Variants in ERAP1 observed in about 807,000 individuals in gnomAD.
The protein encoded by ERAP1 is endoplasmic reticulum aminopeptidase 1.
A neutral mutation model predicts 103.7 loss-of-function variants in ERAP1; 86 were observed. The ratio of observed to expected loss-of-function variants is 0.83; its 90% CI spans 0.70 to 0.99. The LOEUF is 0.99. ERAP1 is among the 50% of genes least tolerant of loss of function. The pLI is 0.00. For synonymous variants in ERAP1, 398 were observed against 402.4 expected, an observed-to-expected ratio of 0.99 and a Z score of 0.13; for missense variants, 1,009 against 1,128.4, an observed-to-expected ratio of 0.89 and a Z score of 1.52.
chr5:96,928,979 C>A, the ERAP1 span, among the ~76,000 whole-genome samples: 1 of 152,102 alleles, frequency 6.6e-6, no homozygotes, highest in Non-Finnish European at 1.5e-5. Context: ...ACTGGTAAGG[C>A]GAAAACACCT....
chr5:96,762,700 A>G (rs1768424540), exon 20 of ERAP1: 2 of 294,500 alleles, frequency 6.8e-6, no homozygotes, highest in Non-Finnish European at 1.2e-5. Context: ...AGCTTTCCTG[A>G]TAATTGATTT....
At chr5:96,860,922 A>G in the ERAP1 span, among the ~76,000 whole-genome samples, 2 of 152,062 alleles carry the variant, frequency 1.3e-5, no homozygotes, top group Non-Finnish European at 2.9e-5. Context: ...ACAAGTGAGC[A>G]ACACAGGTAA....
downstream of ERAP1, chr5:96,771,596 C>T (rs186869487): frequency 3.1e-5 from 47 of 1,525,116 alleles, no homozygotes; most frequent in Middle Eastern, 1.2e-3. Context: ...TCTCCTCATA[C>T]TTAATACAGA....
At position 96,775,572 on chromosome 5, in the gene ERAP1, A is replaced by AT. The variant is rs1774082398; in HGVS notation, c.*823dup. 4 of 950,826 alleles carry AT rather than the reference A, an allele frequency of 4.2e-6. No individual in the cohort carries two copies. The highest frequency in any genetic ancestry group is 5.0e-6 in the Non-Finnish European group (4 of 798,504). The allele number at this position is 950,826 out of a possible 1,614,324, so 58.9% of individuals were successfully genotyped here. A position where few individuals can be genotyped will look rare whatever the true frequency, so the allele number is the denominator to read the frequency against. ...TATCTGAGGAGGGTTCTATAAAAAG[A>AT]TTTTTTGCAAAAGTGCGAGCACATT... On this transcript the variant is annotated 3_prime_UTR_variant, in exon 19 of 19. Coordinates refer to ENST00000443439, the MANE Select transcript of ERAP1 (RefSeq NM_001040458.3).
Position 96,793,426 on chromosome 5 carries a change from T to C in ERAP1, c.1162A>G (p.Ser388Gly). The stretch of plus-strand genomic sequence containing the variant: ...ACTTTCAGTTCAGGATGGGTCACAC[T>C]GACAGACACAAACTCCATAAATTTG... ...FAKFMEFVSV[S>G]VTHPELKVGD... is the part of the protein sequence containing the mutation. The change falls in exon 7 of 19, where the codon AGT becomes GGT. Residue 388 changes from serine (S) to glycine (G), a missense_variant. Transcript: ENST00000443439. 6.2e-7 allele frequency: 1 copy of C among 1,613,742 alleles called. No homozygotes were observed. The highest frequency in any genetic ancestry group is 1.7e-5 in the Admixed American group (1 of 60,008).
the ERAP1 span, among the ~76,000 whole-genome samples, chr5:96,896,140 A>G: frequency 3.3e-5 from 5 of 152,306 alleles, no homozygotes; most frequent in African/African-American, 1.2e-4. Context: ...CATGATAAAC[A>G]TTCAGGCAAT....
the ERAP1 span, among the ~76,000 whole-genome samples, chr5:96,899,247 T>C: frequency 8.0e-5 from 12 of 149,828 alleles, no homozygotes; most frequent in African/African-American, 2.9e-4. Context: ...AGTCCAATAG[T>C]TATTCAATTA....
At position 96,803,405 on chromosome 5, in the gene ERAP1, C is replaced by G. The variant is rs1177805624; in HGVS notation, c.522G>C (p.Leu174=). Reference sequence around the variant, plus strand: ...AAGAAAAAGAGAAAAAAAAATACCTCAGTTCCCCTTCCTTGGTTCTGTAGG... The same window carrying G: ...AAGAAAAAGAGAAAAAAAAATACCTGAGTTCCCCTTCCTTGGTTCTGTAGG... The part of the protein sequence containing the change: ...KSTYRTKEGE[L]RILASTQFEP... Residue 174 remains leucine (L), a splice_region_variant and synonymous_variant, in exon 2 of 19, where the codon CTG becomes CTC. Transcript: ENST00000443439. 6 of 1,612,942 alleles carry G rather than the reference C, an allele frequency of 3.7e-6. No homozygotes were observed. Among genetic ancestry groups the G allele is most frequent in the Non-Finnish European group, 5.1e-6 (6 of 1,179,732 alleles).
Position 96,803,723 on chromosome 5 carries a change from A to G in ERAP1, c.204T>C (p.His68=), listed in dbSNP as rs73148308. The part of the protein sequence containing the change: ...VIPVHYDLLI[H]ANLTTLTFWG... ...AGAAGGTCAGCGTGGTAAGGTTTGC[A>G]TGGATCAAGAGATCATAATGAACTG... Residue 68 remains histidine (H), a synonymous_variant, in exon 2 of 19, where the codon CAT becomes CAC. Coordinates refer to ENST00000443439, the MANE Select transcript of ERAP1 (RefSeq NM_001040458.3). 5,928 of 1,614,208 alleles carry G rather than the reference A, an allele frequency of 3.7e-3. 167 individuals carry two copies. The African/African-American group carries it at 0.065, about 18-fold the overall frequency.
At position 96,788,615 on chromosome 5, in the gene ERAP1, A is replaced by C. The variant is rs1346309314; in HGVS notation, c.1595T>G (p.Leu532Arg). Residue 532 changes from leucine to arginine, a missense_variant, in exon 11 of 19, where the codon CTA becomes CGA. Leu to Arg is a moderately radical substitution (Grantham distance 102). Around this residue, in one of 3 missense-constraint regions of ERAP1, gnomAD observed 611 missense variants for 651.7 expected, o/e 0.94. Transcript: ENST00000443439. The stretch of plus-strand genomic sequence containing the variant: ...CCTCCCCCTCACTGTGATGGTTATT[A>C]GGGGAAAACCCTTCTGCAGTGTCCA... ...NTWTLQKGFP[L>R]ITITVRGRNV... 1 of 1,613,840 alleles carries C rather than the reference A, an allele frequency of 6.2e-7. No homozygotes were observed. Among genetic ancestry groups the C allele is most frequent in the Admixed American group, 1.7e-5 (1 of 60,024 alleles).
chr5:96,816,639 C>G, the ERAP1 span, among the ~76,000 whole-genome samples: 1 of 152,154 alleles, frequency 6.6e-6, no homozygotes, highest in African/African-American at 2.4e-5. Context: ...AGGCATTCAA[C>G]CAGTTGGAGT....
the ERAP1 span, chr5:96,881,452 G>T: frequency 2.2e-6 from 1 of 456,222 alleles, no homozygotes; most frequent in Admixed American, 2.3e-5. Context: ...GGACGGCTTG[G>T]TTTCCCAGGG....
At chr5:96,846,159 A>T in the ERAP1 span, among the ~76,000 whole-genome samples, 1 of 152,210 alleles carries the variant, frequency 6.6e-6, no homozygotes, top group African/African-American at 2.4e-5. Flanking sequence ...CTCCTAGTTT[A>T]GCAGTTCTTA....
the ERAP1 span, chr5:96,917,773 G>A: frequency 9.6e-6 from 4 of 418,028 alleles, no homozygotes; most frequent in Non-Finnish European, 1.7e-5. Flanking sequence ...GGGCATGGTG[G>A]CAGGTGCCTG....
rs779629363 is a variant in ERAP1 at position 96,790,577 on chromosome 5, GTA to G, written c.1385_1386del (p.Val462AlafsTer7). 8 of 1,612,710 alleles carry G rather than the reference GTA, an allele frequency of 5.0e-6. No individual in the cohort carries two copies. The highest frequency in any genetic ancestry group is 1.3e-5 in the African/African-American group (1 of 75,016). Reference protein sequence around the residue: ...LSADAFKSGIVQYLQKHSYKN... With the variant: ...LSADAFKSGIXQYLQKHSYKN... The stretch of plus-strand genomic sequence containing the variant: ...TTATAGCTATGCTTCTGGAGATACT[GTA>G]CAATACCACTTTTAAATGCGTCAGC... On this transcript the variant is annotated frameshift_variant, in exon 9 of 19. Coordinates refer to ENST00000443439, the MANE Select transcript of ERAP1 (RefSeq NM_001040458.3). LOFTEE classifies it high-confidence loss of function.
chr5:96,868,438 A>C, the ERAP1 span, among the ~76,000 whole-genome samples: 2 of 152,200 alleles, frequency 1.3e-5, no homozygotes, highest in Admixed American at 1.3e-4. Context: ...AAGGCAACAC[A>C]GATATATCTC....
the ERAP1 span, among the ~76,000 whole-genome samples, chr5:96,864,232 G>A: frequency 2.0e-5 from 3 of 152,114 alleles, no homozygotes; most frequent in South Asian, 2.1e-4. Flanking sequence ...ATTTAGTGGC[G>A]ATTTGACACT....
At chr5:96,791,914 C>T (rs1397048127) in intron 8 of ERAP1, 147 bp downstream of exon 8, 1 of 755,970 alleles carries the variant, frequency 1.3e-6, no homozygotes, top group Non-Finnish European at 2.2e-6. Context: ...GCAAGTTAGT[C>T]CTAAAAGAGT....
At chr5:96,910,045 C>T in the ERAP1 span, 1 of 268,444 alleles carries the variant, frequency 3.7e-6, no homozygotes. Flanking sequence ...GAGGGTGAAT[C>T]ACTGAGGTCA....
Sources: allele counts gnomAD v4.1 joint callset (sites outside exome capture counted in the v4.1 genomes callset), GRCh38; gene constraint gnomAD v4.1.1; regional missense constraint gnomAD v4.1.1; transcripts MANE v1.5; gene names NCBI Gene and HGNC (gene_info 2026-07-23, HGNC 2026-07-21).